CYFIP1: variants seen among roughly 807,000 people sequenced by gnomAD.
The protein encoded by CYFIP1 is cytoplasmic FMR1-interacting protein 1.
CYFIP1 carries 58 observed loss-of-function variants against 163.5 expected under a neutral mutation model. The ratio of observed to expected loss-of-function variants is 0.35; its 90% CI spans 0.29 to 0.44. The LOEUF is 0.44. Ranked by LOEUF, CYFIP1 falls within the 20% of genes least tolerant of loss-of-function variation. The pLI is 1.00. For missense variants in CYFIP1, 1,338 were observed against 1,653.8 expected (o/e 0.81, Z 3.31); for synonymous variants, 663 against 660.7 (o/e 1.00, Z -0.05).
chr15:22,944,741 C>T (rs2062000740), intron 4 of CYFIP1, 82 bp from the exon 5 acceptor site: 6 of 1,518,872 alleles, frequency 4.0e-6, no homozygotes, highest in Admixed American at 1.7e-5. Context: ...CTAGTGATCC[C>T]GCCCTGCTGT....
Position 22,947,262 on chromosome 15 carries a change from C to CCTGG in CYFIP1, c.23_24insCCAG (p.Glu8AspfsTer39). On this transcript the variant is annotated frameshift_variant, in exon 2 of 31. Coordinates refer to ENST00000617928, the MANE Select transcript of CYFIP1 (RefSeq NM_014608.6). LOFTEE classifies it high-confidence loss of function. The stretch of plus-strand genomic sequence containing the variant: ...GGAGGTCCACGTTGGACAGCGCGTC[C>CCTGG]TCCAGAGTCACCTGGGCCGCCATCC... 1 of 1,613,984 alleles carries CCTGG rather than the reference C, an allele frequency of 6.2e-7. No individual in the cohort carries two copies. Among genetic ancestry groups the CCTGG allele is most frequent in the Non-Finnish European group, 8.5e-7 (1 of 1,179,946 alleles).
chr15:22,948,323 G>A (rs933598362), intron 1 of CYFIP1, among the ~76,000 whole-genome samples: 1 of 152,132 alleles, frequency 6.6e-6, no homozygotes, highest in Non-Finnish European at 1.5e-5. Flanking sequence ...CAAACCCTGA[G>A]ACCACAGCCA....
intron 21 of CYFIP1, chr15:22,905,123 C>T (rs1239469915): frequency 6.6e-6 from 1 of 152,152 alleles, no homozygotes; most frequent in Non-Finnish European, 1.5e-5. Flanking sequence ...ACTTCTTCCT[C>T]ACCTGGAAAG....
In CYFIP1 at chr15:22,917,237, TAA is replaced by T; in HGVS notation, c.1674+549_1674+550del. 8 of 1,400,822 alleles carry T rather than the reference TAA, an allele frequency of 5.7e-6. No homozygotes were observed. The highest frequency in any genetic ancestry group is 7.4e-6 in the Non-Finnish European group (8 of 1,084,624). 86.8% of individuals were successfully genotyped at this position (1,400,822 alleles called of 1,614,324 possible). A position where few individuals can be genotyped will look rare whatever the true frequency, so the allele number is the denominator to read the frequency against. ...TTTCCAGAAGAGTGGCAGAAGAGATTAAAAGCCTCCGGCAGAGATGAGGGAGA... is the reference window on the plus strand; with the variant it reads ...TTTCCAGAAGAGTGGCAGAAGAGATTAAGCCTCCGGCAGAGATGAGGGAGA... On this transcript the variant is annotated intron_variant, in intron 15 of 30. Transcript: ENST00000617928. This position sits in a 1 kb window ranked among gnomAD's most constrained non-coding sequence, Gnocchi z 4.2.
chr15:22,920,664 A>C (rs937004917), intron 13 of CYFIP1, among the ~76,000 whole-genome samples: 1 of 152,216 alleles, frequency 6.6e-6, no homozygotes, highest in Non-Finnish European at 1.5e-5. Flanking sequence ...CATGGTCTAT[A>C]TGCAATTAAA....
intron 1 of CYFIP1, among the ~76,000 whole-genome samples, chr15:22,963,896 T>A (rs1011974703): frequency 6.6e-6 from 1 of 152,134 alleles, no homozygotes; most frequent in Non-Finnish European, 1.5e-5. Context: ...CCAGGCCCAG[T>A]CAGCCCCGGG....
intron 22 of CYFIP1, 82 bp downstream of exon 22, chr15:22,903,624 C>G (rs2060470674): frequency 7.0e-7 from 1 of 1,420,344 alleles, no homozygotes; most frequent in African/African-American, 1.4e-5. Context: ...GAGACAGGGA[C>G]CTGGTGACAT....
intron 26 of CYFIP1, among the ~76,000 whole-genome samples, chr15:22,875,885 C>CATATATATATAT (rs10640110): frequency 0.037 from 4,817 of 130,740 alleles, 179 homozygotes; most frequent in Middle Eastern, 0.08. Context: ...TCCAGAATAA[C>CATATATATATAT]ATATATATAT....
At chr15:22,945,955 CA>C (rs2062044719) in intron 3 of CYFIP1, among the ~76,000 whole-genome samples, 1 of 152,120 alleles carries the variant, frequency 6.6e-6, no homozygotes. Flanking sequence ...TGGACATTTA[CA>C]AAATGGTTTA....
chr15:22,901,720 G>A (rs1283804267), intron 22 of CYFIP1, among the ~76,000 whole-genome samples: 1 of 152,216 alleles, frequency 6.6e-6, no homozygotes, highest in East Asian at 1.9e-4. Context: ...CCTGGCTTGT[G>A]CCATGTAGCT....
In CYFIP1 at chr15:22,869,920, C is replaced by G; in HGVS notation, c.*108G>C. 9.9e-7 allele frequency: 1 copy of G among 1,008,218 alleles called. No homozygotes were observed. Among genetic ancestry groups the G allele is most frequent in the Non-Finnish European group, 1.3e-6 (1 of 755,570 alleles). The allele number at this position is 1,008,218 out of a possible 1,614,324, so 62.5% of individuals were successfully genotyped here. On this transcript the variant is annotated 3_prime_UTR_variant, in exon 31 of 31. Coordinates refer to ENST00000617928, the MANE Select transcript of CYFIP1 (RefSeq NM_014608.6). ...TTAAGTTTTTAGATCGAAAAGCACC[C>G]CCTTTAACAGGTACAGAGATACTGA...
At chr15:22,930,482 C>T (rs1027800211) in intron 11 of CYFIP1, among the ~76,000 whole-genome samples, 1 of 151,586 alleles carries the variant, frequency 6.6e-6, no homozygotes, top group African/African-American at 2.4e-5. Context: ...CAGATGCCAC[C>T]TAAGGATGCT....
rs2060482980 is a variant in CYFIP1 at position 22,903,852 on chromosome 15, C to T, written c.2442G>A (p.Arg814=). ...CGTCGAAGCCGTCCAGCGTCAGGTACCGGCTCAGCAGCTTGTGGGTCATGC... is the reference window on the plus strand; with the variant it reads ...CGTCGAAGCCGTCCAGCGTCAGGTATCGGCTCAGCAGCTTGTGGGTCATGC... The part of the protein sequence containing the change: ...INRMTHKLLS[R]YLTLDGFDAM... Residue 814 remains arginine, a synonymous_variant, in exon 22 of 31, where the codon CGG becomes CGA. Coordinates refer to ENST00000617928, the MANE Select transcript of CYFIP1 (RefSeq NM_014608.6). 1 of 1,614,066 alleles carries T rather than the reference C, an allele frequency of 6.2e-7. No homozygotes were observed. The highest frequency in any genetic ancestry group is 1.1e-5 in the South Asian group (1 of 91,094).
chr15:22,908,090 T>C (rs948053004), intron 21 of CYFIP1, among the ~76,000 whole-genome samples: 5 of 152,190 alleles, frequency 3.3e-5, no homozygotes, highest in African/African-American at 1.2e-4. Context: ...TAGTCTTGCC[T>C]CTTCCTGTGT....
intron 22 of CYFIP1, among the ~76,000 whole-genome samples, chr15:22,902,976 TG>T (rs1251442757): frequency 6.6e-6 from 1 of 152,194 alleles, no homozygotes; most frequent in Non-Finnish European, 1.5e-5. Context: ...CAGCCACATG[TG>T]GGTGGGACGC....
intron 11 of CYFIP1, 99 bp downstream of exon 11, chr15:22,932,124 T>C: frequency 1.3e-6 from 1 of 766,794 alleles, no homozygotes; most frequent in Non-Finnish European, 2.2e-6. Context: ...TCGTATCTGG[T>C]AGTAAACTGT....
intron 1 of CYFIP1, among the ~76,000 whole-genome samples, chr15:22,954,410 C>T (rs752985541): frequency 6.6e-6 from 1 of 152,190 alleles, no homozygotes; most frequent in Non-Finnish European, 1.5e-5. Context: ...CGCTGTCTGC[C>T]AGGTAAGAAC....
intron 1 of CYFIP1, among the ~76,000 whole-genome samples, chr15:22,952,659 C>CATAAAAAAAAAAAA (rs2062294801): frequency 2.2e-5 from 1 of 45,678 alleles, no homozygotes; most frequent in Non-Finnish European, 3.5e-5. Context: ...GACTCCATCT[C>CATAAAAAAAAAAAA]AAAAAAAAAA....
intron 1 of CYFIP1, among the ~76,000 whole-genome samples, chr15:22,965,039 TGTGTGTG>T (rs2062857195): frequency 1.0e-4 from 3 of 29,198 alleles, no homozygotes; most frequent in Non-Finnish European, 1.4e-4. Flanking sequence ...TATTCCATTG[TGTGTGTG>T]TGTGTGTGTG....
Sources: allele counts gnomAD v4.1 joint callset (sites outside exome capture counted in the v4.1 genomes callset), GRCh38; gene constraint gnomAD v4.1.1; non-coding constraint Gnocchi (gnomAD v3.1); transcripts MANE v1.5; gene names NCBI Gene and HGNC (gene_info 2026-07-23, HGNC 2026-07-21).